Variants in MMP16 observed in about 807,000 individuals in gnomAD.
MMP16 encodes matrix metallopeptidase 16, also known as matrix metalloproteinase-16.
MMP16 carries 12 observed loss-of-function variants against 67.8 expected under a neutral mutation model. The ratio of observed to expected loss-of-function variants is 0.18; its 90% CI spans 0.11 to 0.29. The LOEUF is 0.29. Among genes scored for constraint, MMP16 ranks in the 10% least tolerant of loss-of-function variants. The pLI, the probability that MMP16 is intolerant of heterozygous loss-of-function variation, is 1.00. For missense variants in MMP16, 475 were observed against 765.7 expected, an observed-to-expected ratio of 0.62 and a Z score of 4.48; for synonymous variants, 249 against 255.9, an observed-to-expected ratio of 0.97 and a Z score of 0.26.
intron 1 of MMP16, among the ~76,000 whole-genome samples, chr8:88,214,128 G>T (rs1387574570): frequency 6.6e-6 from 1 of 152,088 alleles, no homozygotes; most frequent in Non-Finnish European, 1.5e-5. Flanking sequence ...TCCATGTATA[G>T]CTCAAGATGA....
At chr8:88,161,486 C>T (rs944013643) in intron 4 of MMP16, among the ~76,000 whole-genome samples, 2 of 151,906 alleles carry the variant, frequency 1.3e-5, no homozygotes, top group East Asian at 1.9e-4. Flanking sequence ...TTTTGTTGAT[C>T]TTTTCAAAAA....
chr8:88,084,014 G>A (rs1405491352), intron 6 of MMP16, among the ~76,000 whole-genome samples: 1 of 151,914 alleles, frequency 6.6e-6, no homozygotes, highest in Non-Finnish European at 1.5e-5. Context: ...GGTAACGCTT[G>A]CCTAACTACA....
At chr8:88,297,253 GGCT>G (rs1236121663) in intron 1 of MMP16, among the ~76,000 whole-genome samples, 59 of 152,174 alleles carry the variant, frequency 3.9e-4, no homozygotes, top group African/African-American at 1.4e-3. Flanking sequence ...TACCACCAAA[GGCT>G]GCTATTAATG....
At chr8:88,217,408 T>C (rs1311851884) in intron 1 of MMP16, among the ~76,000 whole-genome samples, 1 of 152,116 alleles carries the variant, frequency 6.6e-6, no homozygotes, top group Non-Finnish European at 1.5e-5. Context: ...CAAATACATA[T>C]ATTTAAATCT....
intron 4 of MMP16, among the ~76,000 whole-genome samples, chr8:88,148,470 C>T (rs2681299): frequency 0.99 from 151,089 of 152,286 alleles, 74,957 homozygotes; most frequent in Middle Eastern, 1. Flanking sequence ...CTAGAGGATA[C>T]ATATTTGCTT....
At chr8:88,061,374 T>A (rs1422535735) in intron 7 of MMP16, among the ~76,000 whole-genome samples, 1 of 152,096 alleles carries the variant, frequency 6.6e-6, no homozygotes, top group African/African-American at 2.4e-5. Flanking sequence ...TTTCCTTTCA[T>A]CTCCTTTTTA....
intron 3 of MMP16, among the ~76,000 whole-genome samples, chr8:88,174,154 C>T (rs1000864502): frequency 3.3e-5 from 5 of 152,154 alleles, no homozygotes; most frequent in Non-Finnish European, 5.9e-5. Flanking sequence ...TAAAAACAAG[C>T]GGAGCTAAAG....
chr8:88,260,845 A>C (rs1388799799), intron 1 of MMP16, among the ~76,000 whole-genome samples: 1 of 152,178 alleles, frequency 6.6e-6, no homozygotes, highest in Non-Finnish European at 1.5e-5. Flanking sequence ...TTAACCATTG[A>C]CCACCAGACT....
chr8:88,072,985 C>A (rs1808586350), intron 7 of MMP16, among the ~76,000 whole-genome samples: 1 of 152,132 alleles, frequency 6.6e-6, no homozygotes, highest in African/African-American at 2.4e-5. Context: ...GCCCCGAGGC[C>A]ATAAAGAGCT....
chr8:88,038,337 T>C lies in MMP16; in HGVS notation c.*3124A>G, dbSNP rs1288462362. 1 of 152,374 alleles carries C rather than the reference T, an allele frequency of 6.6e-6. No homozygotes were observed. The highest frequency in any genetic ancestry group is 6.6e-5 in the Admixed American group (1 of 15,242). The allele number at this position is 152,374 out of a possible 1,614,324, so 9.4% of individuals were successfully genotyped here. A position where few individuals can be genotyped will look rare whatever the true frequency, so the allele number is the denominator to read the frequency against. ...ATCTTGTCTCATATTAAAGTAAATATGACCCAACCCTTATTCATGACATTT... is the reference window on the plus strand; with the variant it reads ...ATCTTGTCTCATATTAAAGTAAATACGACCCAACCCTTATTCATGACATTT... On this transcript the variant is annotated 3_prime_UTR_variant, in exon 10 of 10. Transcript: ENST00000286614. This position sits in a 1 kb window ranked among gnomAD's most constrained non-coding sequence, Gnocchi z 4.1.
At chr8:88,244,831 AT>A in intron 1 of MMP16, among the ~76,000 whole-genome samples, 1 of 152,314 alleles carries the variant, frequency 6.6e-6, no homozygotes, top group South Asian at 2.1e-4. Flanking sequence ...TATTTGTGCT[AT>A]TATTATTTCT....
intron 4 of MMP16, among the ~76,000 whole-genome samples, chr8:88,140,246 G>A (rs1412233984): frequency 6.6e-6 from 1 of 152,104 alleles, no homozygotes; most frequent in Non-Finnish European, 1.5e-5. Flanking sequence ...CTAGGGTTCT[G>A]TGAAACACAG....
chr8:88,267,870 T>C (rs996599141), intron 1 of MMP16, among the ~76,000 whole-genome samples: 2 of 152,208 alleles, frequency 1.3e-5, no homozygotes, highest in Admixed American at 6.5e-5. Flanking sequence ...TGACATCATA[T>C]TCCTATTCAA....
chr8:88,068,981 C>T (rs1258085384), intron 7 of MMP16, among the ~76,000 whole-genome samples: 4 of 152,118 alleles, frequency 2.6e-5, no homozygotes, highest in Non-Finnish European at 5.9e-5. Context: ...GGATCACAGG[C>T]GTGAGCCACC....
intron 1 of MMP16, among the ~76,000 whole-genome samples, chr8:88,254,738 C>CA (rs1206986335): frequency 1.3e-5 from 2 of 151,892 alleles, no homozygotes; most frequent in Non-Finnish European, 2.9e-5. Context: ...AAAGAGTAAA[C>CA]AAAGGAGACA....
intron 1 of MMP16, among the ~76,000 whole-genome samples, chr8:88,298,184 T>TG (rs1302570728): frequency 6.6e-6 from 1 of 151,904 alleles, no homozygotes; most frequent in African/African-American, 2.4e-5. Context: ...CAAGGAAAAA[T>TG]GGGGCAGGAA....
intron 6 of MMP16, among the ~76,000 whole-genome samples, chr8:88,094,501 A>G (rs530109752): frequency 7.2e-4 from 110 of 151,790 alleles, no homozygotes; most frequent in African/African-American, 2.6e-3. Context: ...TGAAGTACAC[A>G]AAAGAAACAG....
At chr8:88,303,295 C>T (rs1466023837) in intron 1 of MMP16, among the ~76,000 whole-genome samples, 1 of 152,178 alleles carries the variant, frequency 6.6e-6, no homozygotes, top group Non-Finnish European at 1.5e-5. Context: ...CCAGCGATGA[C>T]AGGTTGGGGT....
At chr8:88,089,805 C>T (rs1327771865) in intron 6 of MMP16, among the ~76,000 whole-genome samples, 1 of 151,856 alleles carries the variant, frequency 6.6e-6, no homozygotes, top group African/African-American at 2.4e-5. Context: ...TAATAAAACA[C>T]ACCTCCCAGA....
Sources: allele counts gnomAD v4.1 joint callset (sites outside exome capture counted in the v4.1 genomes callset), GRCh38; gene constraint gnomAD v4.1.1; non-coding constraint Gnocchi (gnomAD v3.1); transcripts MANE v1.5; gene names NCBI Gene and HGNC (gene_info 2026-07-23, HGNC 2026-07-21).